The following ACVR1C variants were observed in gnomAD, a reference collection of about 807,000 sequenced individuals.
ACVR1C encodes activin receptor type-1C.
In ACVR1C, 23 loss-of-function variants were observed where a neutral mutation model predicts 57.9. The ratio of observed to expected loss-of-function variants is 0.40; its 90% CI spans 0.29 to 0.56. The LOEUF is 0.56. ACVR1C is among the 20% of genes least tolerant of loss of function. ACVR1C has a pLI of 0.50. For missense variants in ACVR1C, 480 were observed against 607.9 expected (o/e 0.79, Z 2.21); for synonymous variants, 214 against 215.3 (o/e 0.99, Z 0.05).
chr2:157,609,696 A>T (rs1175877479), intron 1 of ACVR1C, among the ~76,000 whole-genome samples: 1 of 151,994 alleles, frequency 6.6e-6, no homozygotes, highest in African/African-American at 2.4e-5. Flanking sequence ...ATCCCTTTAA[A>T]ATTATATAAT....
At chr2:157,624,067 T>C (rs576484121) in intron 1 of ACVR1C, among the ~76,000 whole-genome samples, 1 of 152,310 alleles carries the variant, frequency 6.6e-6, no homozygotes, top group African/African-American at 2.4e-5. Flanking sequence ...TAATCTGAGC[T>C]TTTTAATGAT....
chr2:157,542,684 C>G, intron 6 of ACVR1C, 22 bp downstream of exon 6: 1 of 1,606,590 alleles, frequency 6.2e-7, no homozygotes, highest in Non-Finnish European at 8.5e-7. Flanking sequence ...TCTTACTATG[C>G]TACCCAAGTC....
At chr2:157,555,549 T>C (rs1688080238) in intron 3 of ACVR1C, among the ~76,000 whole-genome samples, 5 of 152,232 alleles carry the variant, frequency 3.3e-5, no homozygotes. Flanking sequence ...GTTTCTTTGC[T>C]TTAAGAACAT....
intron 1 of ACVR1C, among the ~76,000 whole-genome samples, chr2:157,592,985 A>G (rs969165232): frequency 6.6e-6 from 1 of 152,034 alleles, no homozygotes; most frequent in Non-Finnish European, 1.5e-5. Flanking sequence ...GGTTTATTAG[A>G]TTTTTCACCA....
intron 5 of ACVR1C, 123 bp from the exon 6 acceptor site, chr2:157,542,985 ACTAT>A: frequency 2.0e-6 from 2 of 979,114 alleles, no homozygotes; most frequent in Non-Finnish European, 3.0e-6. Flanking sequence ...AGCTCTTGTC[ACTAT>A]CTAAATTATC....
intron 1 of ACVR1C, among the ~76,000 whole-genome samples, chr2:157,615,278 G>A (rs1283761250): frequency 6.7e-6 from 1 of 149,734 alleles, no homozygotes; most frequent in Non-Finnish European, 1.5e-5. Context: ...ACCAGCCTGA[G>A]CACTGTAGTG....
intron 4 of ACVR1C, among the ~76,000 whole-genome samples, chr2:157,549,467 G>T (rs889450565): frequency 2.4e-4 from 37 of 152,094 alleles, no homozygotes; most frequent in African/African-American, 8.7e-4. Context: ...TAAAACTGGC[G>T]TGGCAGAGTT....
At chr2:157,561,295 C>T (rs1032718047) in intron 2 of ACVR1C, among the ~76,000 whole-genome samples, 4 of 152,224 alleles carry the variant, frequency 2.6e-5, no homozygotes, top group Non-Finnish European at 5.9e-5. Context: ...TCTCACTCTA[C>T]TTCACGCATA....
intron 1 of ACVR1C, among the ~76,000 whole-genome samples, chr2:157,614,158 A>G (rs1420053771): frequency 6.6e-6 from 1 of 152,160 alleles, no homozygotes. Flanking sequence ...AAAATGCAAT[A>G]TTCCTTTATT....
rs773920029 is a variant in ACVR1C at position 157,550,295 on chromosome 2, C to T, written c.642G>A (p.Trp214Ter). The stretch of plus-strand genomic sequence containing the variant: ...TTTTCACAGCCACATCTTCCCCACA[C>T]CATCTTCCATGCCACACCTCACCAA... Reference protein sequence around the residue: ...GRFGEVWHGRWCGEDVAVKIF... With the variant: ...GRFGEVWHGR The change falls in exon 4 of 9, where the codon TGG becomes TGA. Residue 214 changes from tryptophan to a stop codon, truncating the protein, a stop_gained. Coordinates refer to ENST00000243349, the MANE Select transcript of ACVR1C (RefSeq NM_145259.3). LOFTEE classifies it high-confidence loss of function. 6.2e-7 allele frequency: 1 copy of T among 1,614,150 alleles called. No homozygotes were observed. The highest frequency in any genetic ancestry group is 8.5e-7 in the Non-Finnish European group (1 of 1,180,034).
intron 1 of ACVR1C, among the ~76,000 whole-genome samples, chr2:157,617,489 G>A (rs565685345): frequency 4.2e-4 from 64 of 152,104 alleles, no homozygotes; most frequent in African/African-American, 1.4e-3. Context: ...TGGGAGTACC[G>A]CATTGAGGAA....
intron 2 of ACVR1C, among the ~76,000 whole-genome samples, chr2:157,566,879 C>T (rs569303133): frequency 6.6e-6 from 1 of 151,820 alleles, no homozygotes; most frequent in African/African-American, 2.4e-5. Context: ...TCAAGGAGGC[C>T]TGCCTGCCTC....
At chr2:157,566,466 C>G (rs991509956) in intron 2 of ACVR1C, among the ~76,000 whole-genome samples, 71 of 152,190 alleles carry the variant, frequency 4.7e-4, no homozygotes, top group East Asian at 9.6e-4. Flanking sequence ...CATCTCACTA[C>G]GGAGTGCCAG....
intron 2 of ACVR1C, among the ~76,000 whole-genome samples, chr2:157,569,528 G>A (rs1210309023): frequency 9.9e-6 from 1 of 101,288 alleles, no homozygotes; most frequent in Non-Finnish European, 2.0e-5. Flanking sequence ...TGATAAAGGG[G>A]ATATCACCAC....
chr2:157,568,609 C>A (rs1688456019), intron 2 of ACVR1C, among the ~76,000 whole-genome samples: 1 of 80,568 alleles, frequency 1.2e-5, no homozygotes, highest in African/African-American at 4.9e-5. Flanking sequence ...TCAAAAGAGA[C>A]AAAGAAGGCC....
Position 157,533,047 on chromosome 2 carries a change from T to C in ACVR1C, c.*871A>G, listed in dbSNP as rs1350347218. On this transcript the variant is annotated 3_prime_UTR_variant, in exon 9 of 9. Coordinates refer to ENST00000243349, the MANE Select transcript of ACVR1C (RefSeq NM_145259.3). The stretch of plus-strand genomic sequence containing the variant: ...ATATGGTTCTGAGATTTTGTGCGGG[T>C]CCATTATGATTCTGCAAAATAACTC... 6.6e-6 allele frequency: 1 copy of C among 152,146 alleles called. No homozygotes were observed. The highest frequency in any genetic ancestry group is 1.5e-5 in the Non-Finnish European group (1 of 68,014). The allele number at this position is 152,146 out of a possible 1,614,324, so 9.4% of individuals were successfully genotyped here. A position where few individuals can be genotyped will look rare whatever the true frequency, so the allele number is the denominator to read the frequency against.
chr2:157,588,506 T>C (rs1688980107), intron 1 of ACVR1C, among the ~76,000 whole-genome samples: 1 of 151,850 alleles, frequency 6.6e-6, no homozygotes, highest in South Asian at 2.1e-4. Flanking sequence ...TGTATAATGG[T>C]GAAGTCTCAG....
At chr2:157,551,668 C>T (rs1687926539) in intron 3 of ACVR1C, among the ~76,000 whole-genome samples, 2 of 152,084 alleles carry the variant, frequency 1.3e-5, no homozygotes, top group South Asian at 2.1e-4. Flanking sequence ...ATTTATTGCT[C>T]TTAAAATCAA....
At chr2:157,553,911 A>ACG (rs1687982940) in intron 3 of ACVR1C, among the ~76,000 whole-genome samples, 2 of 151,912 alleles carry the variant, frequency 1.3e-5, no homozygotes, top group African/African-American at 2.4e-5. Context: ...GGCCAGGTGC[A>ACG]GTGGCTCACA....
Sources: gnomAD v4.1 joint callset for allele counts (sites outside exome capture counted in the v4.1 genomes callset) on GRCh38, gnomAD v4.1.1 for gene constraint, MANE v1.5 for transcripts, NCBI Gene and HGNC (gene_info 2026-07-23, HGNC 2026-07-21) for gene names.